Variants in ACSL1 observed in about 807,000 individuals in gnomAD.
ACSL1 encodes the protein long-chain-fatty-acid--CoA ligase 1.
ACSL1 carries 41 observed loss-of-function variants against 98.4 expected under a neutral mutation model. The ratio of observed to expected loss-of-function variants is 0.42; its 90% CI spans 0.32 to 0.54. ACSL1 has a LOEUF of 0.54. ACSL1 is among the 20% of genes least tolerant of loss of function. The pLI, the probability that ACSL1 is intolerant of heterozygous loss-of-function variation, is 0.13. For synonymous variants in ACSL1, 316 were observed against 322.7 expected, an observed-to-expected ratio of 0.98 and a Z score of 0.22; for missense variants, 734 against 883.1, an observed-to-expected ratio of 0.83 and a Z score of 2.14.
At chr4:184,789,474 A>G (rs530886129) in intron 2 of ACSL1, among the ~76,000 whole-genome samples, 2 of 152,356 alleles carry the variant, frequency 1.3e-5, no homozygotes, top group African/African-American at 4.8e-5. Context: ...ACCAAGCGCA[A>G]TATCATCTGT....
At chr4:184,823,587 C>A (rs2150508254) in intron 1 of ACSL1, among the ~76,000 whole-genome samples, 1 of 152,292 alleles carries the variant, frequency 6.6e-6, no homozygotes, top group African/African-American at 2.4e-5. Flanking sequence ...ACAACCTTAT[C>A]TTTTCTCAAA....
In ACSL1 at chr4:184,766,301, T is replaced by C. The variant is rs1763603895; in HGVS notation, c.1264-315A>G. Among the ~76,000 whole-genome samples the C allele has an allele frequency of 6.6e-6, 1 of 152,170 alleles. No individual in the cohort carries two copies. The highest frequency in any genetic ancestry group is 1.5e-5 in the Non-Finnish European group (1 of 68,030). Reference sequence around the variant, plus strand: ...TTCTGGCCTTCTGGGGGGCATGATATTGTTACACGTTATCACTCATGCTTG... The same window carrying C: ...TTCTGGCCTTCTGGGGGGCATGATACTGTTACACGTTATCACTCATGCTTG... On this transcript the variant is annotated intron_variant, in intron 13 of 20. Transcript: ENST00000281455. This position sits in a 1 kb window ranked among gnomAD's most constrained non-coding sequence, Gnocchi z 4.8.
chr4:184,815,525 T>C (rs1263191562), intron 1 of ACSL1, among the ~76,000 whole-genome samples: 1 of 152,038 alleles, frequency 6.6e-6, no homozygotes, highest in African/African-American at 2.4e-5. Context: ...ACCCAGTCCT[T>C]GTCTTCAAGG....
intron 1 of ACSL1, among the ~76,000 whole-genome samples, chr4:184,807,616 G>T (rs1771594734): frequency 1.3e-5 from 2 of 152,250 alleles, no homozygotes; most frequent in African/African-American, 4.8e-5. Flanking sequence ...GCATAGCGAG[G>T]CAGGGTGATG....
chr4:184,787,218 A>G (rs951669700), intron 3 of ACSL1, among the ~76,000 whole-genome samples: 5 of 152,242 alleles, frequency 3.3e-5, no homozygotes, highest in African/African-American at 1.2e-4. Context: ...AGAGGGGTGG[A>G]GAAACCAGAG....
At chr4:184,776,829 C>T in intron 6 of ACSL1, 55 bp downstream of exon 6, 1 of 1,576,254 alleles carries the variant, frequency 6.3e-7, no homozygotes, top group East Asian at 2.3e-5. Flanking sequence ...AATGTAAAGT[C>T]ACTGAACCTA....
intron 15 of ACSL1, among the ~76,000 whole-genome samples, chr4:184,764,221 A>G (rs1000799623): frequency 1.1e-4 from 16 of 152,202 alleles, no homozygotes; most frequent in Non-Finnish European, 1.9e-4. Flanking sequence ...CTCATACATC[A>G]TTTATGTGTT....
intron 18 of ACSL1, chr4:184,758,570 A>G (rs1398262090): frequency 1.3e-5 from 2 of 152,194 alleles, no homozygotes; most frequent in African/African-American, 4.8e-5. Flanking sequence ...ATAAATAAAT[A>G]AAATGTATAT....
In ACSL1 at chr4:184,788,563, G is replaced by A. The variant is rs193270103; in HGVS notation, c.310+54C>T. 3.7e-5 allele frequency: 52 copies of A among 1,410,924 alleles called. No homozygotes were observed. The East Asian group carries it at 6.6e-4, about 18-fold the overall frequency. The allele number at this position is 1,410,924 out of a possible 1,614,324, so 87.4% of individuals were successfully genotyped here. The stretch of plus-strand genomic sequence containing the variant: ...AATGTGCATTTCTGAAAGGCCACTC[G>A]TTCTTCATGAAACACGGCGAGCGGG... On this transcript the variant is annotated intron_variant, in intron 3 of 20. Transcript: ENST00000281455.
chr4:184,769,295 T>C (rs1454503788), intron 11 of ACSL1, among the ~76,000 whole-genome samples: 3 of 152,176 alleles, frequency 2.0e-5, no homozygotes, highest in Admixed American at 6.5e-5. Flanking sequence ...ATACACTGCA[T>C]GATTTTTTTC....
At chr4:184,795,456 T>C (rs1156533826) in intron 2 of ACSL1, among the ~76,000 whole-genome samples, 1 of 152,256 alleles carries the variant, frequency 6.6e-6, no homozygotes, top group Admixed American at 6.5e-5. Context: ...TCCCTACGTA[T>C]CTGTAGTGAC....
chr4:184,765,638 T>C (rs1226655722), intron 14 of ACSL1, among the ~76,000 whole-genome samples: 1 of 152,216 alleles, frequency 6.6e-6, no homozygotes, highest in Non-Finnish European at 1.5e-5. Context: ...AGAGGGTAGA[T>C]TCCAAGTGTT....
chr4:184,825,146 T>C lies in ACSL1; in HGVS notation c.-33+770A>G. The C allele has an allele frequency of 1.0e-6, 1 of 983,366 alleles. No homozygotes were observed. The highest frequency in any genetic ancestry group is 1.2e-6 in the Non-Finnish European group (1 of 828,110). 60.9% of individuals were successfully genotyped at this position (983,366 alleles called of 1,614,324 possible). On this transcript the variant is annotated intron_variant, in intron 1 of 20. Coordinates refer to ENST00000281455, the MANE Select transcript of ACSL1 (RefSeq NM_001995.5). This position sits in a 1 kb window ranked among gnomAD's most constrained non-coding sequence, Gnocchi z 4.7. ...AATTGGACTGAGTGGGGAAGGGGTT[T>C]CCACACTCTCACAACGCACCGACTG...
At chr4:184,778,825 T>A (rs1023566699) in intron 5 of ACSL1, among the ~76,000 whole-genome samples, 8 of 152,204 alleles carry the variant, frequency 5.3e-5, no homozygotes, top group South Asian at 2.1e-4. Context: ...AACATTTTGA[T>A]GTGTTCATTT....
chr4:184,762,532 A>C lies in ACSL1; in HGVS notation c.1522-9T>G. 1 of 1,610,482 alleles carries C rather than the reference A, an allele frequency of 6.2e-7. No homozygotes were observed. Among genetic ancestry groups the C allele is most frequent in the Non-Finnish European group, 8.5e-7 (1 of 1,176,612 alleles). On this transcript the variant is annotated splice_polypyrimidine_tract_variant and intron_variant, in intron 16 of 20. Transcript: ENST00000281455. ...GGCCCTTTCACACACACCTAAAGAA[A>C]AGAAGATCATCAGTGAACAGCATTT... is the stretch of plus-strand genomic sequence containing the variant.
Position 184,766,054 on chromosome 4 carries a change from G to C in ACSL1, c.1264-68C>G. 1 of 1,507,884 alleles carries C rather than the reference G, an allele frequency of 6.6e-7. No individual in the cohort carries two copies. Among genetic ancestry groups the C allele is most frequent in the Non-Finnish European group, 9.2e-7 (1 of 1,092,494 alleles). 93.4% of individuals were successfully genotyped at this position (1,507,884 alleles called of 1,614,324 possible). The stretch of plus-strand genomic sequence containing the variant: ...TGGAAGTCGGCGGCCTCTCCGCCAA[G>C]GGGGCCTGCTTGGGACCCCGTTCCC... On this transcript the variant is annotated intron_variant, in intron 13 of 20. Coordinates refer to ENST00000281455, the MANE Select transcript of ACSL1 (RefSeq NM_001995.5). The surrounding 1 kb of genome is among the most constrained non-coding windows in gnomAD (Gnocchi z 4.8).
intron 3 of ACSL1, among the ~76,000 whole-genome samples, chr4:184,784,340 G>C (rs1766852475): frequency 2.0e-5 from 3 of 152,158 alleles, no homozygotes; most frequent in Admixed American, 2.0e-4. Context: ...TGCTGTAGTG[G>C]TAAACAGATA....
In ACSL1 at chr4:184,766,380, G is replaced by A. The variant is rs962832350; in HGVS notation, c.1263+242C>T. 6.6e-6 allele frequency among the ~76,000 whole-genome samples: 1 copy of A among 152,176 alleles called. No individual in the cohort carries two copies. The highest frequency in any genetic ancestry group is 2.4e-5 in the African/African-American group (1 of 41,434). ...TTCCGGAAAAACGCAACAAAATGGAGAATGAGAAAGGCTCCACTACCCTGA... is the reference window on the plus strand; with the variant it reads ...TTCCGGAAAAACGCAACAAAATGGAAAATGAGAAAGGCTCCACTACCCTGA... On this transcript the variant is annotated intron_variant, in intron 13 of 20. Transcript: ENST00000281455. The surrounding 1 kb of genome is among the most constrained non-coding windows in gnomAD (Gnocchi z 4.8).
At chr4:184,820,700 G>T (rs1336190125) in intron 1 of ACSL1, among the ~76,000 whole-genome samples, 1 of 152,110 alleles carries the variant, frequency 6.6e-6, no homozygotes, top group South Asian at 2.1e-4. Flanking sequence ...CGCCTCCTGG[G>T]TTCATGCGAT....
Sources: gnomAD v4.1 joint callset for allele counts (sites outside exome capture counted in the v4.1 genomes callset) on GRCh38, gnomAD v4.1.1 for gene constraint, Gnocchi (gnomAD v3.1) non-coding constraint, MANE v1.5 for transcripts, NCBI Gene and HGNC (gene_info 2026-07-23, HGNC 2026-07-21) for gene names.